Variants in TMEM132C observed in about 807,000 individuals in gnomAD.
The protein encoded by TMEM132C is transmembrane protein 132C.
In TMEM132C, 29 loss-of-function variants were observed where a neutral mutation model predicts 61.4. The observed-to-expected ratio is 0.47, with a 90% CI of 0.35 to 0.64. The LOEUF (loss-of-function observed/expected upper bound fraction) is 0.64, where lower values mean the gene tolerates loss of function less well. Among genes scored for constraint, TMEM132C ranks in the 30% least tolerant of loss-of-function variants. The pLI is 0.00. For missense variants in TMEM132C, 1,408 were observed against 1,476.9 expected (o/e 0.95, Z 0.76); for synonymous variants, 656 against 633.1 (o/e 1.04, Z -0.54).
chr12:128,325,974 G>T (rs906027176), intron 1 of TMEM132C, among the ~76,000 whole-genome samples: 3 of 152,044 alleles, frequency 2.0e-5, no homozygotes, highest in Non-Finnish European at 4.4e-5. Context: ...GTGGTCCCTC[G>T]TTGCACACGT....
chr12:128,378,396 G>C (rs1037270476), intron 1 of TMEM132C, among the ~76,000 whole-genome samples: 2 of 151,284 alleles, frequency 1.3e-5, no homozygotes, highest in African/African-American at 4.9e-5. Context: ...GATTACAGGC[G>C]TGAGCCACCA....
chr12:128,458,823 G>A (rs527753818), intron 2 of TMEM132C, among the ~76,000 whole-genome samples: 37 of 150,322 alleles, frequency 2.5e-4, no homozygotes, highest in African/African-American at 5.4e-4. Flanking sequence ...GCTCTGGCAC[G>A]TCACTGTTTT....
At chr12:128,592,680 A>C (rs1875796374) in intron 3 of TMEM132C, among the ~76,000 whole-genome samples, 1 of 152,244 alleles carries the variant, frequency 6.6e-6, no homozygotes, top group African/African-American at 2.4e-5. Flanking sequence ...CAGAACAGCC[A>C]CGGAGGGGAC....
chr12:128,706,773 C>T lies in TMEM132C; in HGVS notation c.*478C>T, dbSNP rs1192088962. The stretch of plus-strand genomic sequence containing the variant: ...AGGACAGCCTTCAACTGTCACCACA[C>T]AGCTGGGGGGGAGTCATTTCTTAAC... On this transcript the variant is annotated 3_prime_UTR_variant, in exon 9 of 9. Coordinates refer to ENST00000435159, the MANE Select transcript of TMEM132C (RefSeq NM_001136103.3). 2 of 153,248 alleles carry T rather than the reference C, an allele frequency of 1.3e-5. No individual in the cohort carries two copies. The highest frequency in any genetic ancestry group is 4.8e-5 in the African/African-American group (2 of 41,468). The allele number at this position is 153,248 out of a possible 1,614,324, so 9.5% of individuals were successfully genotyped here.
intron 1 of TMEM132C, among the ~76,000 whole-genome samples, chr12:128,269,805 A>G: frequency 7.0e-6 from 1 of 142,938 alleles, no homozygotes; most frequent in East Asian, 2.0e-4. Context: ...GACCTTGTTT[A>G]CATTTCTGCT....
intron 1 of TMEM132C, among the ~76,000 whole-genome samples, chr12:128,294,552 C>G (rs1871343061): frequency 6.6e-6 from 1 of 152,148 alleles, no homozygotes; most frequent in African/African-American, 2.4e-5. Context: ...GTTGCTCTAA[C>G]AAAATACCAG....
intron 2 of TMEM132C, among the ~76,000 whole-genome samples, chr12:128,504,047 C>T (rs12582185): frequency 0.34 from 51,488 of 151,812 alleles, 9,171 homozygotes; most frequent in East Asian, 0.57. Flanking sequence ...CCTCTCTCCC[C>T]CTCTCCCTCC....
At chr12:128,276,234 CATTATTTGTAT>C (rs1870685674) in intron 1 of TMEM132C, among the ~76,000 whole-genome samples, 1 of 152,130 alleles carries the variant, frequency 6.6e-6, no homozygotes, top group South Asian at 2.1e-4. Context: ...TCAGGGCCAT[CATTATTTGTAT>C]TATTAAAGCC....
intron 3 of TMEM132C, 65 bp downstream of exon 3, chr12:128,544,168 TA>T: frequency 6.9e-7 from 1 of 1,443,102 alleles, no homozygotes; most frequent in Non-Finnish European, 9.1e-7. Flanking sequence ...GGCTGGTGCG[TA>T]AGAGCCTTGA....
chr12:128,367,918 G>T (rs1873916092), intron 1 of TMEM132C, among the ~76,000 whole-genome samples: 1 of 152,136 alleles, frequency 6.6e-6, no homozygotes, highest in African/African-American at 2.4e-5. Flanking sequence ...TTTGAGGCTT[G>T]CATTCTATTT....
chr12:128,631,216 C>T (rs910882178), intron 4 of TMEM132C, among the ~76,000 whole-genome samples: 7 of 152,064 alleles, frequency 4.6e-5, no homozygotes, highest in Non-Finnish European at 8.8e-5. Context: ...CAGCTACATG[C>T]GGTCATTGAA....
In TMEM132C at chr12:128,688,992, AT is replaced by A. The variant is rs535424949; in HGVS notation, c.1450-4832del. On this transcript the variant is annotated intron_variant, in intron 5 of 8. Transcript: ENST00000435159. ...TTTTTTTTGTTTTTGTTTTTGTTTT[AT>A]TTTTAGTAGAGACAGGGTTTCACCA... Among the ~76,000 whole-genome samples the A allele has an allele frequency of 2.7e-3, 402 of 147,822 alleles. 4 individuals carry two copies. The highest frequency in any genetic ancestry group is 9.4e-3 in the African/African-American group (380 of 40,348).
chr12:128,694,623 T>C (rs550213095), intron 6 of TMEM132C, among the ~76,000 whole-genome samples: 19 of 152,148 alleles, frequency 1.2e-4, no homozygotes, highest in Non-Finnish European at 2.6e-4. Flanking sequence ...CTGCCTGGAA[T>C]GCTCCACCCC....
chr12:128,383,463 G>A (rs913932635), intron 1 of TMEM132C, among the ~76,000 whole-genome samples: 17 of 152,172 alleles, frequency 1.1e-4, no homozygotes, highest in Admixed American at 6.5e-4. Flanking sequence ...TGCTTGAGCC[G>A]TTTCCCATGG....
intron 1 of TMEM132C, among the ~76,000 whole-genome samples, chr12:128,397,506 A>G (rs1875003815): frequency 6.6e-6 from 1 of 152,276 alleles, no homozygotes; most frequent in Non-Finnish European, 1.5e-5. Context: ...TTCCATAGAG[A>G]AACTTACAAA....
intron 3 of TMEM132C, among the ~76,000 whole-genome samples, chr12:128,599,327 G>T (rs1218430882): frequency 6.6e-6 from 1 of 152,232 alleles, no homozygotes; most frequent in East Asian, 1.9e-4. Context: ...GGATGGGCTT[G>T]GTTTTCCTGC....
At chr12:128,664,675 C>T (rs1435287000) in intron 4 of TMEM132C, among the ~76,000 whole-genome samples, 1 of 152,124 alleles carries the variant, frequency 6.6e-6, no homozygotes, top group African/African-American at 2.4e-5. Flanking sequence ...TCATCAGAGC[C>T]GGATGGGGCC....
At chr12:128,547,140 G>A (rs61938627) in intron 3 of TMEM132C, among the ~76,000 whole-genome samples, 6,040 of 152,282 alleles carry the variant, frequency 0.04, 139 homozygotes, top group Middle Eastern at 0.092. Context: ...CCTTCCTGGC[G>A]GGGTCCAGCA....
At chr12:128,387,241 A>G (rs1234557376) in intron 1 of TMEM132C, among the ~76,000 whole-genome samples, 4 of 151,952 alleles carry the variant, frequency 2.6e-5, no homozygotes, top group Non-Finnish European at 5.9e-5. Context: ...GGGAACCCGC[A>G]GGACAAGTAA....
Sources: allele counts gnomAD v4.1 joint callset (sites outside exome capture counted in the v4.1 genomes callset), GRCh38; gene constraint gnomAD v4.1.1; transcripts MANE v1.5; gene names NCBI Gene and HGNC (gene_info 2026-07-23, HGNC 2026-07-21).